The following SPINK5 variants were observed in gnomAD, a reference collection of about 807,000 sequenced individuals.
The protein encoded by SPINK5 is serine peptidase inhibitor Kazal type 5.
A neutral mutation model predicts 151.8 loss-of-function variants in SPINK5; 125 were observed. The observed-to-expected ratio is 0.82, with a 90% CI of 0.71 to 0.96. The LOEUF is 0.96. Among genes scored for constraint, SPINK5 ranks in the 40% least tolerant of loss-of-function variants. The pLI is 0.00. For synonymous variants in SPINK5, 374 were observed against 395.3 expected, an observed-to-expected ratio of 0.95 and a Z score of 0.64; for missense variants, 1,194 against 1,291.9, an observed-to-expected ratio of 0.92 and a Z score of 1.16.
rs928055197 is a variant in SPINK5 at position 148,123,884 on chromosome 5, A to G, written c.2590A>G (p.Thr864Ala). Residue 864 changes from threonine (T) to alanine (A), a missense_variant, in exon 27 of 33, where the codon ACC becomes GCC. By Grantham distance (58) the Thr-to-Ala change is moderately conservative. Coordinates refer to ENST00000256084, the MANE Select transcript of SPINK5 (RefSeq NM_006846.4). ...SMQRNGKLIC[T>A]RENNPVRGPY... is the part of the protein sequence containing the mutation. The stretch of plus-strand genomic sequence containing the variant: ...GCAGAGAAATGGAAAGCTTATCTGC[A>G]CCAGAGAAAATAACCCTGTTCGAGG... 6.2e-7 allele frequency: 1 copy of G among 1,613,972 alleles called. No homozygotes were observed. Among genetic ancestry groups the G allele is most frequent in the Non-Finnish European group, 8.5e-7 (1 of 1,180,020 alleles).
chr5:148,104,934 C>G lies in SPINK5; in HGVS notation c.1431-18C>G, dbSNP rs1368319181. On this transcript the variant is annotated intron_variant, in intron 15 of 32. Coordinates refer to ENST00000256084, the MANE Select transcript of SPINK5 (RefSeq NM_006846.4). The stretch of plus-strand genomic sequence containing the variant: ...AAAAATCCATTTCTTCTCTCTTTTT[C>G]TTTTCGGTTTCTTAAAGTCAACAAG... The G allele has an allele frequency of 6.2e-7, 1 of 1,605,004 alleles. No individual in the cohort carries two copies. Among genetic ancestry groups the G allele is most frequent in the Non-Finnish European group, 8.5e-7 (1 of 1,176,148 alleles).
intron 31 of SPINK5, among the ~76,000 whole-genome samples, chr5:148,132,896 A>G (rs1416897829): frequency 1.3e-5 from 2 of 152,172 alleles, no homozygotes; most frequent in Admixed American, 1.3e-4. Context: ...ATTCCCGTTT[A>G]AGGAATAAAT....
rs777694047 is a variant in SPINK5 at position 148,114,502 on chromosome 5, A to G, written c.2015+13A>G. The G allele has an allele frequency of 6.2e-6, 10 of 1,612,988 alleles. No homozygotes were observed. The highest frequency in any genetic ancestry group is 1.7e-4 in the Middle Eastern group (1 of 6,048). ...GTAAGGCAGTCTTGTGAGTGCACAA[A>G]GAAAACCACTACTGTGGGATGGTGG... On this transcript the variant is annotated intron_variant, in intron 21 of 32. Transcript: ENST00000256084.
chr5:148,113,980 G>T (rs6872265), intron 20 of SPINK5, among the ~76,000 whole-genome samples: 88,545 of 152,026 alleles, frequency 0.58, 26,310 homozygotes, highest in African/African-American at 0.7. Context: ...TTGAACTAAA[G>T]AATTCAGAAT....
chr5:148,074,479 T>C (rs1364631840), intron 4 of SPINK5, among the ~76,000 whole-genome samples: 1 of 151,718 alleles, frequency 6.6e-6, no homozygotes, highest in Non-Finnish European at 1.5e-5. Flanking sequence ...GCCAACTTTA[T>C]AGAATATTAA....
intron 2 of SPINK5, among the ~76,000 whole-genome samples, chr5:148,069,323 TC>T (rs1361642525): frequency 6.6e-6 from 1 of 151,952 alleles, no homozygotes; most frequent in East Asian, 1.9e-4. Context: ...ACTTTCCTTT[TC>T]CCCACCAATT....
chr5:148,084,563 C>T (rs1049439127), intron 4 of SPINK5, among the ~76,000 whole-genome samples: 3 of 151,850 alleles, frequency 2.0e-5, no homozygotes, highest in East Asian at 2.0e-4. Context: ...CTAGTTAGTA[C>T]GTTGCTGTTG....
chr5:148,094,167 A>G (rs772798279), intron 8 of SPINK5, among the ~76,000 whole-genome samples, 187 bp from the exon 9 acceptor site: 1 of 151,784 alleles, frequency 6.6e-6, no homozygotes. Flanking sequence ...GTGGTGGTGC[A>G]TGTCTGTAGT....
At chr5:148,086,263 A>G in intron 4 of SPINK5, 142 bp from the exon 5 acceptor site, 3 of 957,148 alleles carry the variant, frequency 3.1e-6, no homozygotes, top group Non-Finnish European at 4.5e-6. Flanking sequence ...CCATAAATTT[A>G]TTAGCTCAAT....
chr5:148,124,479 CTATTA>C (rs1204302201), intron 27 of SPINK5, among the ~76,000 whole-genome samples: 6 of 152,062 alleles, frequency 3.9e-5, no homozygotes, highest in Non-Finnish European at 7.4e-5. Context: ...AGTCTTAAGT[CTATTA>C]TATTAAGGAA....
intron 4 of SPINK5, among the ~76,000 whole-genome samples, chr5:148,077,418 C>T (rs1434352476): frequency 6.6e-6 from 1 of 150,828 alleles, no homozygotes; most frequent in Non-Finnish European, 1.5e-5. Flanking sequence ...TATTACTGTA[C>T]TAAAGAAATC....
At chr5:148,112,733 T>A (rs1753974604) in intron 19 of SPINK5, 135 bp from the exon 20 acceptor site, 1 of 1,428,510 alleles carries the variant, frequency 7.0e-7, no homozygotes, top group Non-Finnish European at 9.6e-7. Context: ...GAGATGTGTG[T>A]TTACCTTTCC....
In SPINK5 at chr5:148,133,785, G is replaced by A. The variant is rs1346454450; in HGVS notation, c.3096-12G>A. ...CTTCCTCGTTGTTGAAGCATCCTCT[G>A]ATCTGTTTTAGGATACGCCAAACAA... is the stretch of plus-strand genomic sequence containing the variant. On this transcript the variant is annotated splice_polypyrimidine_tract_variant and intron_variant, in intron 31 of 32. Transcript: ENST00000256084. 6.2e-7 allele frequency: 1 copy of A among 1,613,082 alleles called. No individual in the cohort carries two copies. Among genetic ancestry groups the A allele is most frequent in the Non-Finnish European group, 8.5e-7 (1 of 1,179,444 alleles).
chr5:148,119,002 A>G lies in SPINK5; in HGVS notation c.2257A>G (p.Arg753Gly). The part of the protein sequence containing the change: ...CKAKLEREAE[R>G]KNEYSRSRSN... ...CTCCTCCAGGGAAAGAGAAGCAGAGAGAAAAAATGAGTATTCTCGCTCCAG... is the reference window on the plus strand; with the variant it reads ...CTCCTCCAGGGAAAGAGAAGCAGAGGGAAAAAATGAGTATTCTCGCTCCAG... The change falls in exon 24 of 33, where the codon AGA (arginine) becomes GGA (glycine). Residue 753 changes from arginine to glycine, a missense_variant. Coordinates refer to ENST00000256084, the MANE Select transcript of SPINK5 (RefSeq NM_006846.4). 1.9e-6 allele frequency: 3 copies of G among 1,614,066 alleles called. No homozygotes were observed. The highest frequency in any genetic ancestry group is 2.5e-6 in the Non-Finnish European group (3 of 1,179,960).
chr5:148,101,489 G>T (rs1753643516), intron 14 of SPINK5, 53 bp downstream of exon 14: 3 of 1,392,124 alleles, frequency 2.2e-6, no homozygotes, highest in Admixed American at 1.7e-5. Context: ...AGGATCCACA[G>T]ATCATGTTCA....
chr5:148,088,298 A>T (rs1718702866), intron 5 of SPINK5, among the ~76,000 whole-genome samples: 1 of 151,894 alleles, frequency 6.6e-6, no homozygotes. Context: ...ACAAAGGTTA[A>T]AAAAAGATTT....
At chr5:148,086,054 A>T (rs1363351204) in intron 4 of SPINK5, among the ~76,000 whole-genome samples, 1 of 151,868 alleles carries the variant, frequency 6.6e-6, no homozygotes, top group Non-Finnish European at 1.5e-5. Flanking sequence ...TAGTTTACTT[A>T]GAGCTTTCAT....
chr5:148,104,789 G>A (rs574761689), intron 15 of SPINK5, among the ~76,000 whole-genome samples, 163 bp from the exon 16 acceptor site: 9 of 152,098 alleles, frequency 5.9e-5, no homozygotes, highest in Non-Finnish European at 1.3e-4. Context: ...CTAGCTACTT[G>A]GGAGGCTGAG....
intron 4 of SPINK5, among the ~76,000 whole-genome samples, chr5:148,073,814 TCACACACACACACACACA>T (rs67549762): frequency 7.0e-4 from 80 of 113,812 alleles, no homozygotes; most frequent in African/African-American, 1.8e-3. Flanking sequence ...TATGCCTGAG[TCACACACACACACACACA>T]CACACACACA....
Sources: gnomAD v4.1 joint callset for allele counts (sites outside exome capture counted in the v4.1 genomes callset) on GRCh38, gnomAD v4.1.1 for gene constraint, MANE v1.5 for transcripts, NCBI Gene and HGNC (gene_info 2026-07-23, HGNC 2026-07-21) for gene names.